The following ULK4 variants were observed in gnomAD, a reference collection of about 807,000 sequenced individuals.
ULK4 encodes unc-51 like kinase 4.
ULK4 carries 133 observed loss-of-function variants against 160.6 expected under a neutral mutation model. That is an observed-to-expected ratio of 0.83 (90% CI 0.72 to 0.96). ULK4 has a LOEUF of 0.96. Ranked by LOEUF, ULK4 falls within the 40% of genes least tolerant of loss-of-function variation. ULK4 has a pLI of 0.00. For missense variants in ULK4, 1,580 were observed against 1,499.5 expected (o/e 1.05, Z -0.89); for synonymous variants, 534 against 539.8 (o/e 0.99, Z 0.15).
chr3:41,882,943 G>A (rs1697577183), intron 17 of ULK4, among the ~76,000 whole-genome samples: 1 of 152,004 alleles, frequency 6.6e-6, no homozygotes, highest in Non-Finnish European at 1.5e-5. Flanking sequence ...AACCAAGCTG[G>A]GTACCATCAG....
intron 30 of ULK4, among the ~76,000 whole-genome samples, chr3:41,624,222 A>C (rs6808297): frequency 0.061 from 9,338 of 152,164 alleles, 974 homozygotes; most frequent in African/African-American, 0.21. Context: ...CAGTTTCCTT[A>C]AATTTGTCTT....
intron 35 of ULK4, among the ~76,000 whole-genome samples, chr3:41,267,456 T>C (rs895792073): frequency 6.6e-6 from 1 of 152,194 alleles, no homozygotes; most frequent in Admixed American, 6.5e-5. Context: ...CTATTGTAAC[T>C]AGTACTGCAA....
At chr3:41,858,055 G>C (rs543455517) in intron 17 of ULK4, among the ~76,000 whole-genome samples, 2 of 150,512 alleles carry the variant, frequency 1.3e-5, no homozygotes, top group East Asian at 3.9e-4. Flanking sequence ...TTGTTCATTT[G>C]AAGTTTTTCC....
At chr3:41,547,271 C>CACACATGTCG (rs1434865715) in intron 32 of ULK4, among the ~76,000 whole-genome samples, 1 of 152,104 alleles carries the variant, frequency 6.6e-6, no homozygotes, top group East Asian at 1.9e-4. Context: ...TGACTAAAGG[C>CACACATGTCG]ACACATGTCG....
rs527858930 is a variant in ULK4 at position 41,774,731 on chromosome 3, C to T, written c.2193+14930G>A. Reference sequence around the variant, plus strand: ...AGCCATCCCATTACTGGGTATATACCCAAAGGATTATAAATCATGCTGCTA... The same window carrying T: ...AGCCATCCCATTACTGGGTATATACTCAAAGGATTATAAATCATGCTGCTA... On this transcript the variant is annotated intron_variant, in intron 21 of 36. Coordinates refer to ENST00000301831, the MANE Select transcript of ULK4 (RefSeq NM_017886.4). Among the ~76,000 whole-genome samples, 161 of 150,254 alleles carry T rather than the reference C, an allele frequency of 1.1e-3. 3 individuals carry two copies. Among genetic ancestry groups the T allele is most frequent in the African/African-American group, 3.9e-3 (156 of 39,768 alleles).
intron 9 of ULK4, 151 bp downstream of exon 9, chr3:41,912,656 C>T (rs956791355): frequency 1.7e-6 from 1 of 594,006 alleles, no homozygotes; most frequent in African/African-American, 1.9e-5. Flanking sequence ...CATGAGTAAA[C>T]TCCTCAAGCA....
intron 32 of ULK4, among the ~76,000 whole-genome samples, chr3:41,468,339 A>G (rs1400860983): frequency 6.6e-6 from 1 of 152,198 alleles, no homozygotes; most frequent in African/African-American, 2.4e-5. Context: ...AGGGTCGAGT[A>G]AGTCCCAAAC....
At chr3:41,498,828 A>G (rs903337333) in intron 32 of ULK4, among the ~76,000 whole-genome samples, 4 of 152,036 alleles carry the variant, frequency 2.6e-5, no homozygotes, top group African/African-American at 4.8e-5. Context: ...ATCTCCTGAC[A>G]TTGTGATTTG....
intron 21 of ULK4, among the ~76,000 whole-genome samples, chr3:41,771,603 A>C (rs2039378433): frequency 6.6e-6 from 1 of 151,586 alleles, no homozygotes; most frequent in East Asian, 1.9e-4. Context: ...TTCCTTTCAA[A>C]TCATACTGTG....
At chr3:41,340,236 GTCCTTTTTT>G (rs1356216676) in intron 35 of ULK4, among the ~76,000 whole-genome samples, 3 of 152,166 alleles carry the variant, frequency 2.0e-5, no homozygotes, top group African/African-American at 7.2e-5. Context: ...TTTTATTTTT[GTCCTTTTTT>G]TCCCCAACCT....
intron 32 of ULK4, among the ~76,000 whole-genome samples, chr3:41,545,220 G>C (rs569316710): frequency 2.4e-4 from 36 of 152,158 alleles, no homozygotes; most frequent in Non-Finnish European, 4.4e-4. Flanking sequence ...CCACATTCGC[G>C]TTCTCTCTTG....
At chr3:41,524,082 TA>T (rs1367882857) in intron 32 of ULK4, among the ~76,000 whole-genome samples, 1 of 152,214 alleles carries the variant, frequency 6.6e-6, no homozygotes, top group Non-Finnish European at 1.5e-5. Context: ...TGCAAATCTA[TA>T]ACGACAAAGT....
intron 32 of ULK4, among the ~76,000 whole-genome samples, chr3:41,548,161 T>C (rs1391781436): frequency 2.0e-5 from 3 of 152,110 alleles, no homozygotes; most frequent in Non-Finnish European, 4.4e-5. Context: ...CCACCCACCA[T>C]AGCCTGTGCC....
At chr3:41,617,143 C>G (rs1482666771) in intron 30 of ULK4, among the ~76,000 whole-genome samples, 4 of 152,180 alleles carry the variant, frequency 2.6e-5, no homozygotes, top group African/African-American at 9.7e-5. Flanking sequence ...TGGGACAGAC[C>G]ACCTGGGGGA....
rs756911141 is a variant in ULK4 at position 41,447,083 on chromosome 3, C to CAAAAA, written c.3492+8409_3492+8413dup. Among the ~76,000 whole-genome samples, 5 of 53,682 alleles carry CAAAAA rather than the reference C, an allele frequency of 9.3e-5. 1 individual carries two copies. Among genetic ancestry groups the CAAAAA allele is most frequent in the African/African-American group, 3.1e-4 (4 of 12,894 alleles). 35.2% of individuals were successfully genotyped at this position (53,682 alleles called of 152,430 possible). A position where few individuals can be genotyped will look rare whatever the true frequency, so the allele number is the denominator to read the frequency against. ...CGGGTGACAGAGCGAGACTCTGTCT[C>CAAAAA]AAAAAAAAAAAAAAAAAAAAAAAAA... On this transcript the variant is annotated intron_variant, in intron 34 of 36. Coordinates refer to ENST00000301831, the MANE Select transcript of ULK4 (RefSeq NM_017886.4).
At chr3:41,716,366 T>A (rs912701624) in intron 23 of ULK4, among the ~76,000 whole-genome samples, 1 of 151,922 alleles carries the variant, frequency 6.6e-6, no homozygotes, top group Non-Finnish European at 1.5e-5. Flanking sequence ...AATCTAACAA[T>A]AAATAAAACT....
At chr3:41,591,944 G>A (rs902508799) in intron 31 of ULK4, among the ~76,000 whole-genome samples, 13 of 152,154 alleles carry the variant, frequency 8.5e-5, no homozygotes, top group Admixed American at 2.0e-4. Context: ...GGATCATGAC[G>A]GATGGCAGGC....
chr3:41,625,369 G>T (rs996078175), intron 30 of ULK4, among the ~76,000 whole-genome samples: 1 of 152,126 alleles, frequency 6.6e-6, no homozygotes, highest in Non-Finnish European at 1.5e-5. Context: ...TTAAAATGTG[G>T]TTTTAAAAAA....
intron 22 of ULK4, among the ~76,000 whole-genome samples, chr3:41,727,007 C>T (rs1327950816): frequency 1.3e-5 from 2 of 152,134 alleles, no homozygotes; most frequent in African/African-American, 4.8e-5. Context: ...ACTACTGTCA[C>T]TCAAACCCCT....
Sources: gnomAD v4.1 joint callset for allele counts (sites outside exome capture counted in the v4.1 genomes callset) on GRCh38, gnomAD v4.1.1 for gene constraint, MANE v1.5 for transcripts, NCBI Gene and HGNC (gene_info 2026-07-23, HGNC 2026-07-21) for gene names.